The following CLCN5 variants were observed in gnomAD, a reference collection of about 807,000 sequenced individuals.
CLCN5 encodes the protein H(+)/Cl(-) exchange transporter 5.
In CLCN5, 17 loss-of-function variants were observed where a neutral mutation model predicts 54.0. The observed-to-expected ratio is 0.31, with a 90% CI of 0.22 to 0.47. CLCN5 has a LOEUF of 0.47. Among genes scored for constraint, CLCN5 ranks in the 20% least tolerant of loss-of-function variants. CLCN5 has a pLI of 1.00. For synonymous variants in CLCN5, 222 were observed against 233.0 expected (o/e 0.95, Z 0.43); for missense variants, 448 against 646.7 (o/e 0.69, Z 3.33).
Position 50,081,856 on chromosome X carries a change from G to T in CLCN5, c.933+9G>T. 6 of 1,189,450 alleles carry T rather than the reference G, an allele frequency of 5.0e-6. No homozygotes were observed. Among genetic ancestry groups the T allele is most frequent in the Non-Finnish European group, 6.8e-6 (6 of 877,578 alleles). Reference sequence around the variant, plus strand: ...AAGCCAAGCGCAGAGAGGTAATAATGAATGGCCTTAATAGTCTCTTTTTGG... The same window carrying T: ...AAGCCAAGCGCAGAGAGGTAATAATTAATGGCCTTAATAGTCTCTTTTTGG... On this transcript the variant is annotated intron_variant, in intron 9 of 14. Coordinates refer to ENST00000376091, the MANE Select transcript of CLCN5 (RefSeq NM_001127898.4).
At position 50,081,732 on chromosome X, in the gene CLCN5, C is replaced by T. The variant is rs1557193196; in HGVS notation, c.818C>T (p.Ser273Leu). The T allele has an allele frequency of 2.5e-6, 3 of 1,210,625 alleles. No homozygotes were observed. Among genetic ancestry groups the T allele is most frequent in the South Asian group, 1.8e-5 (1 of 56,922 alleles). ...ACCATCACCTTGGTGCTGGCAGTGTCATCTGGCTTGAGCCTGGGCAAAGAG... is the reference window on the plus strand; with the variant it reads ...ACCATCACCTTGGTGCTGGCAGTGTTATCTGGCTTGAGCCTGGGCAAAGAG... ...IKTITLVLAVSSGLSLGKEGP... is the reference protein window; with the variant it reads ...IKTITLVLAVLSGLSLGKEGP... The change falls in exon 9 of 15, where the codon TCA (serine) becomes TTA (leucine). Residue 273 changes from serine (S) to leucine (L), a missense_variant. Around this residue, in one of 5 missense-constraint regions of CLCN5, gnomAD observed 297 missense variants for 470.4 expected, o/e 0.63. Transcript: ENST00000376091.
At chrX:49,955,391 ATG>A (rs1170167595) in intron 3 of CLCN5, among the ~76,000 whole-genome samples, 1 of 104,983 alleles carries the variant, frequency 9.5e-6, no homozygotes, top group Non-Finnish European at 1.9e-5. Context: ...CAGAGTTGGC[ATG>A]TTTTTTTTTT....
chrX:50,048,546 A>C (rs967251523), intron 4 of CLCN5, among the ~76,000 whole-genome samples: 3 of 112,348 alleles, frequency 2.7e-5, no homozygotes, highest in Non-Finnish European at 5.6e-5. Flanking sequence ...TTGTGCTTTG[A>C]GTTATAATCC....
intron 3 of CLCN5, among the ~76,000 whole-genome samples, chrX:50,026,327 A>T (rs1448261786): frequency 1.8e-5 from 2 of 111,700 alleles, no homozygotes; most frequent in African/African-American, 6.5e-5. Flanking sequence ...TGAGCTTGAG[A>T]AGAATATGTA....
intron 3 of CLCN5, among the ~76,000 whole-genome samples, chrX:50,031,989 G>A (rs1469943413): frequency 1.9e-5 from 2 of 105,258 alleles, no homozygotes; most frequent in African/African-American, 7.0e-5. Flanking sequence ...TTGTTCTTGC[G>A]ATAGTTTACT....
At chrX:50,091,725 G>C (rs1378337475) in intron 14 of CLCN5, among the ~76,000 whole-genome samples, 11 of 112,037 alleles carry the variant, frequency 9.8e-5, no homozygotes. Context: ...CAATAGCAAA[G>C]AGGACAAGTG....
At chrX:49,932,564 C>T (rs782692321) in intron 3 of CLCN5, among the ~76,000 whole-genome samples, 4 of 111,685 alleles carry the variant, frequency 3.6e-5, no homozygotes, top group Non-Finnish European at 5.6e-5. Flanking sequence ...TCCCCTTCTA[C>T]GTTCCAGCAA....
chrX:49,981,169 G>C (rs1928710843), intron 3 of CLCN5, among the ~76,000 whole-genome samples: 1 of 110,838 alleles, frequency 9.0e-6, no homozygotes, highest in African/African-American at 3.3e-5. Flanking sequence ...TTGAATCCTT[G>C]ACTCATCTGG....
intron 3 of CLCN5, among the ~76,000 whole-genome samples, chrX:49,975,990 C>T (rs781954387): frequency 2.3e-4 from 26 of 111,681 alleles, no homozygotes; most frequent in Non-Finnish European, 2.3e-4. Context: ...CTACTGGCAT[C>T]TAGTGGGTGG....
chrX:50,081,361 T>C (rs375371484), intron 8 of CLCN5, among the ~76,000 whole-genome samples: 5 of 110,812 alleles, frequency 4.5e-5, no homozygotes, highest in Non-Finnish European at 7.6e-5. Context: ...TCCCTCCCTC[T>C]CCAGCTCCTC....
intron 3 of CLCN5, among the ~76,000 whole-genome samples, chrX:50,028,985 A>G (rs914716806): frequency 9.0e-6 from 1 of 110,924 alleles, no homozygotes; most frequent in Non-Finnish European, 1.9e-5. Context: ...ACTTTTAAAA[A>G]ACCCATCTGG....
In CLCN5 at chrX:50,070,050, A is replaced by AT; in HGVS notation, c.315+21dup. ...CGAGAGGTAAGACAAAAGATGGCACATGGGTAAGTGTTAGGAAATACAGGG... is the reference window on the plus strand; with the variant it reads ...CGAGAGGTAAGACAAAAGATGGCACATTGGGTAAGTGTTAGGAAATACAGGG... On this transcript the variant is annotated intron_variant, in intron 5 of 14. Coordinates refer to ENST00000376091, the MANE Select transcript of CLCN5 (RefSeq NM_001127898.4). The AT allele has an allele frequency of 8.4e-7, 1 of 1,189,636 alleles. No homozygotes were observed. The highest frequency in any genetic ancestry group is 2.3e-4 in the Middle Eastern group (1 of 4,290).
rs781822067 is a variant in CLCN5 at position 50,086,732 on chromosome X, T to C, written c.1419T>C (p.Tyr473=). 1 of 1,211,427 alleles carries C rather than the reference T, an allele frequency of 8.3e-7. No individual in the cohort carries two copies. Among genetic ancestry groups the C allele is most frequent in the Non-Finnish European group, 1.1e-6 (1 of 895,494 alleles). The change falls in exon 11 of 15, where the codon TAT becomes TAC. Residue 473 remains tyrosine, a synonymous_variant. Transcript: ENST00000376091. The part of the protein sequence containing the change: ...GLLDSSKLCD[Y]ENRFNTSKGG... ...TGGACTCCTCCAAGCTCTGTGATTA[T>C]GAGAACCGTTTCAACACAAGCAAAG... is the stretch of plus-strand genomic sequence containing the variant.
intron 3 of CLCN5, among the ~76,000 whole-genome samples, chrX:50,007,440 T>A (rs1239318796): frequency 4.3e-4 from 30 of 69,469 alleles, no homozygotes; most frequent in South Asian, 1.3e-3. Flanking sequence ...TCTCTCTCTG[T>A]CACACACACA....
At chrX:49,989,301 A>G (rs903017131) in intron 3 of CLCN5, among the ~76,000 whole-genome samples, 2 of 110,017 alleles carry the variant, frequency 1.8e-5, no homozygotes, top group Non-Finnish European at 3.8e-5. Context: ...TCATATTTTT[A>G]TTTTTCTATA....
At chrX:50,078,665 G>A (rs1557192551) in intron 7 of CLCN5, among the ~76,000 whole-genome samples, 1 of 112,589 alleles carries the variant, frequency 8.9e-6, no homozygotes, top group Non-Finnish European at 1.9e-5. Flanking sequence ...TCACTGCAGG[G>A]CTGCCTCATG....
intron 3 of CLCN5, among the ~76,000 whole-genome samples, chrX:49,973,891 A>C (rs1033785273): frequency 6.3e-5 from 7 of 110,401 alleles, no homozygotes; most frequent in African/African-American, 2.3e-4. Context: ...CCAAAAATAA[A>C]CTCCCTTCCC....
chrX:50,066,080 T>G (rs1557190781), intron 4 of CLCN5, among the ~76,000 whole-genome samples: 3 of 101,301 alleles, frequency 3.0e-5, no homozygotes, highest in African/African-American at 1.1e-4. Context: ...AGTTAGTGGG[T>G]GCAGCGCACC....
intron 4 of CLCN5, among the ~76,000 whole-genome samples, chrX:50,067,363 T>C (rs1323448835): frequency 8.9e-6 from 1 of 111,831 alleles, no homozygotes; most frequent in Non-Finnish European, 1.9e-5. Flanking sequence ...TATTTCTACT[T>C]TGCCTTCTTG....
Sources: gnomAD v4.1 joint callset for allele counts (sites outside exome capture counted in the v4.1 genomes callset) on GRCh38, gnomAD v4.1.1 for gene constraint, gnomAD v4.1.1 regional missense constraint, MANE v1.5 for transcripts, NCBI Gene and HGNC (gene_info 2026-07-23, HGNC 2026-07-21) for gene names.